DAPK3: variants seen among roughly 807,000 people sequenced by gnomAD.
DAPK3 encodes death-associated protein kinase 3.
DAPK3 carries 24 observed loss-of-function variants against 30.6 expected under a neutral mutation model. That is an observed-to-expected ratio of 0.78 (90% CI 0.57 to 1.10). DAPK3 has a LOEUF of 1.10. DAPK3 is among the 50% of genes least tolerant of loss of function. The pLI, the probability that DAPK3 is intolerant of heterozygous loss-of-function variation, is 0.00. For missense variants in DAPK3, 629 were observed against 657.3 expected, an observed-to-expected ratio of 0.96 and a Z score of 0.47; for synonymous variants, 341 against 284.0, an observed-to-expected ratio of 1.20 and a Z score of -2.02.
chr19:3,963,967 A>C, intron 4 of DAPK3, 48 bp from the exon 5 acceptor site: 1 of 1,263,948 alleles, frequency 7.9e-7, no homozygotes, highest in Non-Finnish European at 1.1e-6. Flanking sequence ...ATGCTGGCCA[A>C]GGAAGAGGCT....
chr19:3,961,345 A>C, intron 6 of DAPK3, 184 bp from the exon 7 acceptor site: 1 of 734,126 alleles, frequency 1.4e-6, no homozygotes, highest in Non-Finnish European at 2.6e-6. Context: ...AGAGGCATTC[A>C]AAATCCACCC....
At chr19:3,970,366 C>A (rs542496650) in intron 1 of DAPK3, among the ~76,000 whole-genome samples, 4 of 152,086 alleles carry the variant, frequency 2.6e-5, no homozygotes, top group Non-Finnish European at 4.4e-5. Flanking sequence ...AAGGCTCAAG[C>A]GATCGTCCCA....
In DAPK3 at chr19:3,961,215, G is replaced by A. The variant is rs557924407; in HGVS notation, c.630-54C>T. 26 of 1,499,372 alleles carry A rather than the reference G, an allele frequency of 1.7e-5. 1 individual carries two copies. The highest frequency in any genetic ancestry group is 1.6e-4 in the South Asian group (14 of 87,430). 92.9% of individuals were successfully genotyped at this position (1,499,372 alleles called of 1,614,324 possible). ...GGTCCTGGGCTCCCACCACGGCCGC[G>A]CCGCCTCTCCGGCTGCCCACGACAG... On this transcript the variant is annotated intron_variant, in intron 6 of 8. Transcript: ENST00000545797.
Position 3,963,774 on chromosome 19 carries a change from C to G in DAPK3, c.602+97G>C, listed in dbSNP as rs983706908. On this transcript the variant is annotated intron_variant, in intron 5 of 8. Transcript: ENST00000545797. The stretch of plus-strand genomic sequence containing the variant: ...TTCTAGGGCAACGGTCCCCCCATAC[C>G]CCAACAGCAGCAAGGCCCCGCTTCA... 3 of 1,250,806 alleles carry G rather than the reference C, an allele frequency of 2.4e-6. No individual in the cohort carries two copies. In the South Asian group the frequency reaches 3.9e-5, roughly 16 times the overall value. 77.5% of individuals were successfully genotyped at this position (1,250,806 alleles called of 1,614,324 possible).
In DAPK3 at chr19:3,959,068, G is replaced by T. The variant is rs755158207; in HGVS notation, c.*33C>A. 1.3e-5 allele frequency: 18 copies of T among 1,399,296 alleles called. No individual in the cohort carries two copies. In the African/African-American group the frequency reaches 2.7e-4, roughly 21 times the overall value. 86.7% of individuals were successfully genotyped at this position (1,399,296 alleles called of 1,614,324 possible). ...GCGCCCCCACCGCAGGCCGAGCTCC[G>T]GCTGTCCTGGGGCCTGGCCCACCCC... On this transcript the variant is annotated 3_prime_UTR_variant, in exon 9 of 9. Transcript: ENST00000545797.
Position 3,964,281 on chromosome 19 carries a change from G to T in DAPK3, c.516C>A (p.Asn172Lys), listed in dbSNP as rs765316109. The T allele has an allele frequency of 5.0e-6, 8 of 1,613,408 alleles. No individual in the cohort carries two copies. In the Middle Eastern group the frequency reaches 9.9e-4, roughly 199 times the overall value. ...FGIAHKIEAGNEFKNIFGTPE... is the reference protein window; with the variant it reads ...FGIAHKIEAGKEFKNIFGTPE... Reference sequence around the variant, plus strand: ...GGGTGCCGAAGATGTTCTTGAACTCGTTCCCCGCCTCGATCTTGTGCGCGA... The same window carrying T: ...GGGTGCCGAAGATGTTCTTGAACTCTTTCCCCGCCTCGATCTTGTGCGCGA... The change falls in exon 4 of 9, where the codon AAC becomes AAA. Residue 172 changes from asparagine (N) to lysine (K), a missense_variant. Asn to Lys is a moderately conservative substitution (Grantham distance 94). This residue lies in a region of DAPK3 where 306 missense variants were observed against 378.5 expected (regional missense o/e 0.81). Transcript: ENST00000545797.
At chr19:3,959,682 A>G in intron 8 of DAPK3, 45 bp from the exon 9 acceptor site, 1 of 1,485,550 alleles carries the variant, frequency 6.7e-7, no homozygotes, top group Non-Finnish European at 8.9e-7. Context: ...GATGCCACCC[A>G]GCCCCGCCAG....
intron 6 of DAPK3, among the ~76,000 whole-genome samples, chr19:3,963,351 T>G (rs954516489): frequency 3.3e-5 from 5 of 151,408 alleles, no homozygotes; most frequent in Non-Finnish European, 7.4e-5. Context: ...ACCCCTTCCT[T>G]GCACTTCGAG....
chr19:3,964,130 G>T, intron 4 of DAPK3, 114 bp downstream of exon 4: 2 of 999,310 alleles, frequency 2.0e-6, no homozygotes, highest in Non-Finnish European at 3.0e-6. Flanking sequence ...CAAGAGGGGT[G>T]GCTTCAGGGC....
chr19:3,964,568 T>TTG, intron 3 of DAPK3, 63 bp downstream of exon 3: 4 of 1,321,012 alleles, frequency 3.0e-6, no homozygotes, highest in Non-Finnish European at 3.1e-6. Context: ...TCCAGGCTCT[T>TTG]CCCCGCCCCA....
chr19:3,967,308 C>T (rs1009307991), intron 2 of DAPK3, among the ~76,000 whole-genome samples: 1 of 151,942 alleles, frequency 6.6e-6, no homozygotes, highest in South Asian at 2.1e-4. Flanking sequence ...AAACATTAGC[C>T]GGGCGTGCTG....
chr19:3,969,295 C>T (rs899288077), intron 2 of DAPK3, among the ~76,000 whole-genome samples: 2 of 152,186 alleles, frequency 1.3e-5, no homozygotes, highest in Non-Finnish European at 2.9e-5. Context: ...TGAGCTACCA[C>T]ACCTGGTTAA....
At chr19:3,968,297 C>G (rs2039599615) in intron 2 of DAPK3, among the ~76,000 whole-genome samples, 1 of 152,138 alleles carries the variant, frequency 6.6e-6, no homozygotes, top group African/African-American at 2.4e-5. Context: ...TAGTTCGAGA[C>G]CAGCCTGGCC....
chr19:3,967,017 G>A (rs1189799927), intron 2 of DAPK3, among the ~76,000 whole-genome samples: 2 of 152,166 alleles, frequency 1.3e-5, no homozygotes, highest in Non-Finnish European at 2.9e-5. Flanking sequence ...CGCAGGTGGG[G>A]GCACAGCAAG....
At chr19:3,969,199 G>A (rs531887903) in intron 2 of DAPK3, among the ~76,000 whole-genome samples, 12 of 151,966 alleles carry the variant, frequency 7.9e-5, no homozygotes, top group South Asian at 6.2e-4. Context: ...GCAGTGGCAC[G>A]ATCATAGCTC....
intron 1 of DAPK3, among the ~76,000 whole-genome samples, chr19:3,970,285 A>G (rs1173250926): frequency 6.7e-6 from 1 of 149,696 alleles, no homozygotes; most frequent in Admixed American, 6.6e-5. Flanking sequence ...GTTTTTTGAG[A>G]AGGAGTCTCG....
chr19:3,962,498 G>A (rs2039527973), intron 6 of DAPK3, among the ~76,000 whole-genome samples: 3 of 152,182 alleles, frequency 2.0e-5, no homozygotes, highest in Admixed American at 2.0e-4. Flanking sequence ...TTAGCCAGCT[G>A]GGCACGGTGG....
chr19:3,961,274 C>T (rs1359708251), intron 6 of DAPK3, 113 bp from the exon 7 acceptor site: 1 of 844,976 alleles, frequency 1.2e-6, no homozygotes. Flanking sequence ...CGGCAGGTGC[C>T]TGGGCCACTC....
intron 2 of DAPK3, among the ~76,000 whole-genome samples, chr19:3,966,978 C>T (rs1218324574): frequency 2.6e-5 from 4 of 152,174 alleles, no homozygotes; most frequent in Admixed American, 1.3e-4. Flanking sequence ...CCACCCTCTT[C>T]GCTTCTCTGT....
Sources: allele counts gnomAD v4.1 joint callset (sites outside exome capture counted in the v4.1 genomes callset), GRCh38; gene constraint gnomAD v4.1.1; regional missense constraint gnomAD v4.1.1; transcripts MANE v1.5; gene names NCBI Gene and HGNC (gene_info 2026-07-23, HGNC 2026-07-21).